The following RPSA2 variants were observed in gnomAD, a reference collection of about 807,000 sequenced individuals.
The protein encoded by RPSA2 is small ribosomal subunit protein uS2B.
the RPSA2 span, among the ~76,000 whole-genome samples, chr19:23,789,958 A>G: frequency 6.6e-6 from 1 of 152,056 alleles, no homozygotes; most frequent in Non-Finnish European, 1.5e-5. Flanking sequence ...TATTACAGGC[A>G]TGAGCCACTG....
At chr19:23,801,508 T>G in the RPSA2 span, among the ~76,000 whole-genome samples, 3 of 152,218 alleles carry the variant, frequency 2.0e-5, no homozygotes, top group Non-Finnish European at 4.4e-5. Flanking sequence ...CCCAAAATGT[T>G]GGGATTACAG....
At chr19:23,801,653 T>G in the RPSA2 span, among the ~76,000 whole-genome samples, 1 of 152,218 alleles carries the variant, frequency 6.6e-6, no homozygotes. Flanking sequence ...TTGCCAAAAG[T>G]AGGTATAAGT....
chr19:23,807,145 C>A, the RPSA2 span, among the ~76,000 whole-genome samples: 148,926 of 152,258 alleles, frequency 0.98, 72,927 homozygotes, highest in Middle Eastern at 1. Flanking sequence ...GATGTCCATA[C>A]ACCATCACAT....
chr19:23,778,608 G>C, the RPSA2 span, among the ~76,000 whole-genome samples: 2 of 152,054 alleles, frequency 1.3e-5, no homozygotes, highest in African/African-American at 4.8e-5. Context: ...CTCCTGCCTG[G>C]TCCATGCCCA....
the RPSA2 span, among the ~76,000 whole-genome samples, chr19:23,826,712 G>A: frequency 2.0e-5 from 3 of 152,002 alleles, no homozygotes; most frequent in Admixed American, 6.6e-5. Flanking sequence ...TTTTGAGACA[G>A]TCTTGCCCTG....
the RPSA2 span, among the ~76,000 whole-genome samples, chr19:23,825,847 C>T: frequency 5.9e-5 from 9 of 152,214 alleles, no homozygotes; most frequent in South Asian, 2.1e-4. Context: ...CCTCAGCTTC[C>T]CAATGTACTG....
chr19:23,779,152 C>CA, the RPSA2 span, among the ~76,000 whole-genome samples: 1 of 152,064 alleles, frequency 6.6e-6, no homozygotes, highest in East Asian at 1.9e-4. Flanking sequence ...AGGCGCCCGC[C>CA]ACCACACCCG....
chr19:23,768,341 G>A, the RPSA2 span, among the ~76,000 whole-genome samples: 1 of 151,488 alleles, frequency 6.6e-6, no homozygotes, highest in African/African-American at 2.4e-5. Context: ...AGATTAATTG[G>A]TGCATTGTAT....
At chr19:23,838,334 A>G in the RPSA2 span, among the ~76,000 whole-genome samples, 2 of 152,078 alleles carry the variant, frequency 1.3e-5, no homozygotes, top group African/African-American at 4.8e-5. Context: ...GGATTTGGTA[A>G]GCTAATATTT....
the RPSA2 span, among the ~76,000 whole-genome samples, chr19:23,773,303 T>TG: frequency 6.7e-6 from 1 of 149,522 alleles, no homozygotes; most frequent in African/African-American, 2.5e-5. Context: ...TTTTTTTTTT[T>TG]AAGACAGAGT....
chr19:23,846,625 A>G, the RPSA2 span, among the ~76,000 whole-genome samples: 1 of 152,136 alleles, frequency 6.6e-6, no homozygotes, highest in South Asian at 2.1e-4. Context: ...GTGAAGGTTA[A>G]TCTAGCTTGA....
chr19:23,794,521 A>G, the RPSA2 span, among the ~76,000 whole-genome samples: 1 of 151,676 alleles, frequency 6.6e-6, no homozygotes, highest in South Asian at 2.1e-4. Flanking sequence ...TTTTTTGTCT[A>G]CTTGTTAGTG....
At chr19:23,758,896 G>T in the RPSA2 span, 1 of 1,107,342 alleles carries the variant, frequency 9.0e-7, no homozygotes, top group Non-Finnish European at 1.3e-6. Context: ...AGAGACAAAG[G>T]CCCCGCCAAT....
chr19:23,786,968 G>A, the RPSA2 span, among the ~76,000 whole-genome samples: 1 of 151,724 alleles, frequency 6.6e-6, no homozygotes, highest in Non-Finnish European at 1.5e-5. Flanking sequence ...TCAGCAACCA[G>A]ATGATGTGTT....
chr19:23,783,970 T>G, the RPSA2 span, among the ~76,000 whole-genome samples: 3 of 152,202 alleles, frequency 2.0e-5, no homozygotes, highest in Non-Finnish European at 4.4e-5. Context: ...CTCTTCTGCC[T>G]GGTGCATGCT....
At chr19:23,866,462 A>G in the RPSA2 span, among the ~76,000 whole-genome samples, 1 of 152,174 alleles carries the variant, frequency 6.6e-6, no homozygotes, top group Non-Finnish European at 1.5e-5. Context: ...GGACATTTTA[A>G]AAAGGAATGC....
chr19:23,850,090 A>G, the RPSA2 span, among the ~76,000 whole-genome samples: 1 of 151,924 alleles, frequency 6.6e-6, no homozygotes, highest in Non-Finnish European at 1.5e-5. Flanking sequence ...GTAACATTAA[A>G]TGCAGTGCCG....
the RPSA2 span, among the ~76,000 whole-genome samples, chr19:23,783,916 A>G: frequency 6.6e-6 from 1 of 152,170 alleles, no homozygotes; most frequent in Non-Finnish European, 1.5e-5. Context: ...TCCTGCTTTC[A>G]GGAGAGGATT....
At chr19:23,852,035 C>A in the RPSA2 span, among the ~76,000 whole-genome samples, 1 of 152,146 alleles carries the variant, frequency 6.6e-6, no homozygotes, top group African/African-American at 2.4e-5. Flanking sequence ...AAACACCACT[C>A]TACTAAATCA....
Sources: allele counts gnomAD v4.1 joint callset (sites outside exome capture counted in the v4.1 genomes callset), GRCh38; gene constraint gnomAD v4.1.1; transcripts MANE v1.5; gene names NCBI Gene and HGNC (gene_info 2026-07-23, HGNC 2026-07-21).